BCAS3: variants seen among roughly 807,000 people sequenced by gnomAD.
The protein encoded by BCAS3 is BCAS3 microtubule associated cell migration factor, also known as BCAS4/BCAS3 fusion.
BCAS3 carries 53 observed loss-of-function variants against 116.1 expected under a neutral mutation model. The observed-to-expected ratio is 0.46, with a 90% CI of 0.37 to 0.57. The LOEUF is 0.57. BCAS3 is among the 20% of genes least tolerant of loss of function. BCAS3 has a pLI of 0.00. For synonymous variants in BCAS3, 391 were observed against 408.2 expected, an observed-to-expected ratio of 0.96 and a Z score of 0.51; for missense variants, 917 against 1,165.4, an observed-to-expected ratio of 0.79 and a Z score of 3.10.
intron 13 of BCAS3, among the ~76,000 whole-genome samples, chr17:60,935,503 T>G (rs1034499635): frequency 3.3e-5 from 5 of 152,178 alleles, no homozygotes; most frequent in Non-Finnish European, 5.9e-5. Context: ...ATCTTTTTTA[T>G]GGATCAGCCA....
intron 6 of BCAS3, among the ~76,000 whole-genome samples, chr17:60,780,059 G>A (rs575074755): frequency 1.1e-4 from 17 of 150,116 alleles, no homozygotes; most frequent in Admixed American, 8.7e-4. Flanking sequence ...GCGCCATCTC[G>A]GCTCACTGCA....
chr17:61,277,025 G>C (rs1265101124), intron 22 of BCAS3, among the ~76,000 whole-genome samples: 3 of 152,102 alleles, frequency 2.0e-5, no homozygotes, highest in African/African-American at 7.2e-5. Context: ...TGCTTTGGGA[G>C]GCCAAGGCAG....
rs1210943914 is a variant in BCAS3, at chr17:60,868,670, C to T, written c.571C>T (p.His191Tyr). ...IQFKTPIYDLHCNKRILVVVL... is the reference protein window; with the variant it reads ...IQFKTPIYDLYCNKRILVVVL... Reference sequence around the variant, plus strand: ...ATTTAAGACACCTATTTATGATCTCCATTGCAATAAACGGTAAGGATTTTT... The same window carrying T: ...ATTTAAGACACCTATTTATGATCTCTATTGCAATAAACGGTAAGGATTTTT... The change falls in exon 8 of 24, where the codon CAT becomes TAT. Residue 191 changes from histidine to tyrosine, a missense_variant. His to Tyr is a moderately conservative substitution (Grantham distance 83). Around this residue, in one of 3 missense-constraint regions of BCAS3, gnomAD observed 807 missense variants for 1,026.0 expected, o/e 0.79. Coordinates refer to ENST00000407086, the MANE Select transcript of BCAS3 (RefSeq NM_017679.5). 1 of 1,582,328 alleles carries T rather than the reference C, an allele frequency of 6.3e-7. No homozygotes were observed.
At chr17:60,824,802 G>A (rs775051490) in intron 7 of BCAS3, among the ~76,000 whole-genome samples, 5 of 152,124 alleles carry the variant, frequency 3.3e-5, no homozygotes, top group Non-Finnish European at 5.9e-5. Flanking sequence ...TTCCCTTGCC[G>A]ATGTGTTGTT....
chr17:60,826,085 C>A (rs747902572), intron 7 of BCAS3, among the ~76,000 whole-genome samples: 1 of 151,902 alleles, frequency 6.6e-6, no homozygotes, highest in African/African-American at 2.4e-5. Context: ...TGGTCTCAAA[C>A]TTCTGACCTC....
chr17:61,150,730 G>T (rs748048403), intron 22 of BCAS3, among the ~76,000 whole-genome samples: 1 of 152,156 alleles, frequency 6.6e-6, no homozygotes, highest in Non-Finnish European at 1.5e-5. Context: ...TTAGGAAACT[G>T]AGGCCAAGTT....
At chr17:61,054,175 A>C (rs909625754) in intron 19 of BCAS3, among the ~76,000 whole-genome samples, 1 of 152,192 alleles carries the variant, frequency 6.6e-6, no homozygotes, top group East Asian at 1.9e-4. Context: ...AGACCTGTAC[A>C]ATAGAGTTCA....
intron 5 of BCAS3, chr17:60,727,141 A>T (rs2144134153): frequency 1.8e-6 from 1 of 564,730 alleles, no homozygotes; most frequent in East Asian, 3.5e-5. Context: ...TCTCTTCAAA[A>T]TTAAAAGAAA....
At chr17:60,889,656 T>C (rs770334621) in intron 9 of BCAS3, 39 bp from the exon 10 acceptor site, 4 of 1,535,688 alleles carry the variant, frequency 2.6e-6, no homozygotes, top group South Asian at 2.2e-5. Context: ...AGAAAAGTTA[T>C]TAAGAAATTT....
At chr17:60,817,661 G>C (rs2049551059) in intron 7 of BCAS3, among the ~76,000 whole-genome samples, 1 of 152,244 alleles carries the variant, frequency 6.6e-6, no homozygotes, top group Non-Finnish European at 1.5e-5. Flanking sequence ...TCTTGTAAGA[G>C]TGAGTGAAAA....
chr17:60,787,242 CT>C (rs2046358597), intron 6 of BCAS3, among the ~76,000 whole-genome samples: 1 of 152,146 alleles, frequency 6.6e-6, no homozygotes, highest in African/African-American at 2.4e-5. Context: ...ATCTATACCC[CT>C]GTAAAGATAG....
intron 22 of BCAS3, among the ~76,000 whole-genome samples, chr17:61,312,905 C>A (rs2054432278): frequency 6.6e-6 from 1 of 152,248 alleles, no homozygotes; most frequent in Non-Finnish European, 1.5e-5. Flanking sequence ...CTTAAGTGGG[C>A]ATAACCGAAG....
At chr17:61,081,840 A>G (rs1194184955) in intron 21 of BCAS3, among the ~76,000 whole-genome samples, 2 of 152,210 alleles carry the variant, frequency 1.3e-5, no homozygotes, top group African/African-American at 4.8e-5. Context: ...ACGCCTGTGC[A>G]TGGTGGCCTA....
intron 7 of BCAS3, 26 bp downstream of exon 7, chr17:60,808,102 T>C (rs776596789): frequency 6.9e-7 from 1 of 1,438,986 alleles, no homozygotes; most frequent in Non-Finnish European, 9.7e-7. Flanking sequence ...AAATTCTTTG[T>C]ATCACCTATT....
At position 61,156,677 on chromosome 17, in the gene BCAS3, C is replaced by A. The variant is rs1366498895; in HGVS notation, c.2425+72113C>A. Among the ~76,000 whole-genome samples the A allele has an allele frequency of 6.6e-6, 1 of 152,092 alleles. No homozygotes were observed. Reference sequence around the variant, plus strand: ...TGTCTTTTTGTAGTTGATGAGTAACCTGTGGATGTGAATCCTTGGAATCCT... The same window carrying A: ...TGTCTTTTTGTAGTTGATGAGTAACATGTGGATGTGAATCCTTGGAATCCT... On this transcript the variant is annotated intron_variant, in intron 22 of 23. Coordinates refer to ENST00000407086, the MANE Select transcript of BCAS3 (RefSeq NM_017679.5). The surrounding 1 kb of genome is among the most constrained non-coding windows in gnomAD (Gnocchi z 4.7).
Position 61,020,576 on chromosome 17 carries a change from A to G in BCAS3, c.1637+4675A>G, listed in dbSNP as rs2065805720. On this transcript the variant is annotated intron_variant, in intron 16 of 23. Transcript: ENST00000407086. The surrounding 1 kb of genome is among the most constrained non-coding windows in gnomAD (Gnocchi z 4.5). The stretch of plus-strand genomic sequence containing the variant: ...GTCCAGGTTATCATGTTCTTATCAT[A>G]TGTAAGTAAGAATAGTTCTCCTAAT... Among the ~76,000 whole-genome samples, 1 of 152,216 alleles carries G rather than the reference A, an allele frequency of 6.6e-6. No individual in the cohort carries two copies. The highest frequency in any genetic ancestry group is 1.5e-5 in the Non-Finnish European group (1 of 68,034).
At chr17:61,092,945 A>G (rs1289101997) in intron 22 of BCAS3, among the ~76,000 whole-genome samples, 1 of 121,836 alleles carries the variant, frequency 8.2e-6, no homozygotes, top group Non-Finnish European at 1.6e-5. Context: ...TCAGTCTGTC[A>G]CTGAGGCTGG....
intron 5 of BCAS3, among the ~76,000 whole-genome samples, chr17:60,720,840 C>T (rs970095752): frequency 1.3e-5 from 2 of 152,142 alleles, no homozygotes; most frequent in Admixed American, 1.3e-4. Flanking sequence ...GAACCAACCC[C>T]ATGTGAATAC....
At chr17:61,277,406 A>G (rs565232177) in intron 22 of BCAS3, among the ~76,000 whole-genome samples, 17 of 152,298 alleles carry the variant, frequency 1.1e-4, no homozygotes, top group African/African-American at 4.1e-4. Flanking sequence ...AGAAGAAAAC[A>G]TATGAGTAAA....
Sources: allele counts gnomAD v4.1 joint callset (sites outside exome capture counted in the v4.1 genomes callset), GRCh38; gene constraint gnomAD v4.1.1; regional missense constraint gnomAD v4.1.1; non-coding constraint Gnocchi (gnomAD v3.1); transcripts MANE v1.5; gene names NCBI Gene and HGNC (gene_info 2026-07-23, HGNC 2026-07-21).